The following PCDHGB3 variants were observed in gnomAD, a reference collection of about 807,000 sequenced individuals.
The protein encoded by PCDHGB3 is protocadherin gamma subfamily B, 3.
Under a neutral mutation model 59.2 loss-of-function variants are expected in PCDHGB3, and 40 were observed. That is an observed-to-expected ratio of 0.68 (90% CI 0.52 to 0.88). The LOEUF (loss-of-function observed/expected upper bound fraction) is 0.88, where lower values mean the gene tolerates loss of function less well. Ranked by LOEUF, PCDHGB3 falls within the 40% of genes least tolerant of loss-of-function variation. The pLI, the probability that PCDHGB3 is intolerant of heterozygous loss-of-function variation, is 0.00. For synonymous variants in PCDHGB3, 581 were observed against 503.6 expected, an observed-to-expected ratio of 1.15 and a Z score of -2.06; for missense variants, 1,309 against 1,187.9, an observed-to-expected ratio of 1.10 and a Z score of -1.50.
chr5:141,497,736 G>A (rs1437670417), intron 2 of PCDHGB3, among the ~76,000 whole-genome samples: 6 of 151,962 alleles, frequency 3.9e-5, no homozygotes, highest in Admixed American at 1.3e-4. Flanking sequence ...GATGGGTTTC[G>A]CCACGTTGGC....
rs769286346 is a variant in PCDHGB3, at chr5:141,372,300, GAGGCCGCCCGCC to G, written c.1909_1920del (p.Ala637_Gln640del). ...CACGGCGCGTACCTTGGGCGACAGGGAGGCCGCCCGCCAGCGCCTGCTGGTCACTGTGCGTGA... is the reference window on the plus strand; with the variant it reads ...CACGGCGCGTACCTTGGGCGACAGGGAGCGCCTGCTGGTCACTGTGCGTGA... On this transcript the variant is annotated inframe_deletion, in exon 1 of 4. Coordinates refer to ENST00000576222, the MANE Select transcript of PCDHGB3 (RefSeq NM_018924.5). 2 of 1,613,366 alleles carry G rather than the reference GAGGCCGCCCGCC, an allele frequency of 1.2e-6. No homozygotes were observed. The highest frequency in any genetic ancestry group is 1.7e-6 in the Non-Finnish European group (2 of 1,179,900).
At chr5:141,382,520 G>A (rs1778262322) in intron 1 of PCDHGB3, among the ~76,000 whole-genome samples, 1 of 152,192 alleles carries the variant, frequency 6.6e-6, no homozygotes, top group South Asian at 2.1e-4. Context: ...TTAATTCAGT[G>A]TCTTAAAATG....
At chr5:141,387,838 A>AG (rs2091116111) in intron 1 of PCDHGB3, 1 of 1,598,608 alleles carries the variant, frequency 6.3e-7, no homozygotes, top group African/African-American at 1.3e-5. Flanking sequence ...GGTTATTTGT[A>AG]ACCCGGCGTC....
Position 141,417,818 on chromosome 5 carries a change from C to T in PCDHGB3, c.2415+45009C>T, listed in dbSNP as rs59981184. 5.7e-4 allele frequency: 859 copies of T among 1,512,530 alleles called. 1 individual carries two copies. The African/African-American group carries it at 0.011, about 19-fold the overall frequency. 93.7% of individuals were successfully genotyped at this position (1,512,530 alleles called of 1,614,324 possible). On this transcript the variant is annotated intron_variant, in intron 1 of 3. Coordinates refer to ENST00000576222, the MANE Select transcript of PCDHGB3 (RefSeq NM_018924.5). ...TTTAGCGCGGTAGAGTGCACTTTCTCCAACTGGAAAAGCGGGGACCCAGCG... is the reference window on the plus strand; with the variant it reads ...TTTAGCGCGGTAGAGTGCACTTTCTTCAACTGGAAAAGCGGGGACCCAGCG...
chr5:141,445,048 A>G (rs1364884310), intron 1 of PCDHGB3, among the ~76,000 whole-genome samples: 4 of 152,234 alleles, frequency 2.6e-5, no homozygotes, highest in Non-Finnish European at 5.9e-5. Flanking sequence ...TTTTCAGTGT[A>G]GAGAGGTCAT....
At position 141,393,513 on chromosome 5, in the gene PCDHGB3, G is replaced by A. The variant is rs376672994; in HGVS notation, c.2415+20704G>A. The A allele has an allele frequency of 6.6e-5, 107 of 1,614,000 alleles. 1 individual carries two copies. In the Middle Eastern group the frequency reaches 1.3e-3, roughly 20 times the overall value. ...AGTGCGCATCCACGTGACAGTGTTG[G>A]ATACAAATGACAATGCCCCGGTTTT... On this transcript the variant is annotated intron_variant, in intron 1 of 3. Transcript: ENST00000576222.
chr5:141,443,938 G>T (rs1330111540), intron 1 of PCDHGB3, among the ~76,000 whole-genome samples: 1 of 152,014 alleles, frequency 6.6e-6, no homozygotes, highest in Non-Finnish European at 1.5e-5. Context: ...CTCACAGCAG[G>T]TTTCCTTATT....
At chr5:141,379,868 T>C (rs1775901267) in intron 1 of PCDHGB3, among the ~76,000 whole-genome samples, 1 of 149,208 alleles carries the variant, frequency 6.7e-6, no homozygotes, top group African/African-American at 2.5e-5. Flanking sequence ...CTTATTCTTA[T>C]TTTATGGTCT....
chr5:141,488,128 G>T (rs1412334197), intron 1 of PCDHGB3, among the ~76,000 whole-genome samples: 1 of 152,226 alleles, frequency 6.6e-6, no homozygotes, highest in Non-Finnish European at 1.5e-5. Context: ...ACAGCAGAAA[G>T]AGGAGAGAAC....
At chr5:141,507,432 C>T (rs2099860585) in intron 3 of PCDHGB3, 1 of 152,198 alleles carries the variant, frequency 6.6e-6, no homozygotes. Flanking sequence ...GGGGCCAGGC[C>T]TACAGCTGAC....
chr5:141,421,051 A>G (rs1330155141), intron 1 of PCDHGB3: 8 of 559,830 alleles, frequency 1.4e-5, no homozygotes, highest in South Asian at 2.6e-5. Flanking sequence ...CCCCGCCTCT[A>G]CCACACAAAG....
chr5:141,409,715 G>C (rs2095305446), intron 1 of PCDHGB3: 9 of 1,613,084 alleles, frequency 5.6e-6, no homozygotes, highest in Admixed American at 1.7e-5. Flanking sequence ...GTCGTCATAC[G>C]TGTCAGTGAG....
intron 3 of PCDHGB3, among the ~76,000 whole-genome samples, chr5:141,508,975 G>T (rs1360718244): frequency 2.6e-5 from 4 of 152,148 alleles, no homozygotes; most frequent in African/African-American, 7.2e-5. Context: ...AAGGGCTGGG[G>T]GTGGGGGCCA....
chr5:141,399,198 G>T (rs1370289172), intron 1 of PCDHGB3: 1 of 1,613,816 alleles, frequency 6.2e-7, no homozygotes, highest in African/African-American at 1.3e-5. Context: ...AAAACGCGGT[G>T]CCTGGAACAC....
rs185786686 is a variant in PCDHGB3 at position 141,384,098 on chromosome 5, A to G, written c.2415+11289A>G. 9.4e-3 allele frequency: 14,953 copies of G among 1,596,884 alleles called. 110 individuals carry two copies. The highest frequency in any genetic ancestry group is 0.01 in the Non-Finnish European group (12,057 of 1,171,020). On this transcript the variant is annotated intron_variant, in intron 1 of 3. Transcript: ENST00000576222. ...TTTAAATTAGAAAAATCAATAGATA[A>G]TTATTATAGATTGGTCACAACCAAA... is the stretch of plus-strand genomic sequence containing the variant.
chr5:141,410,841 G>GT, intron 1 of PCDHGB3: 1 of 214,604 alleles, frequency 4.7e-6, no homozygotes, highest in Non-Finnish European at 7.8e-6. Context: ...AAGATATTTT[G>GT]TCTTTGTCTT....
chr5:141,465,519 T>C (rs2099104752), intron 1 of PCDHGB3, among the ~76,000 whole-genome samples: 1 of 152,224 alleles, frequency 6.6e-6, no homozygotes, highest in East Asian at 1.9e-4. Context: ...GGAAGGATTC[T>C]GGGGAAGTTT....
At chr5:141,494,752 T>G (rs889400984) in intron 1 of PCDHGB3, 55 bp from the exon 2 acceptor site, 6 of 1,612,324 alleles carry the variant, frequency 3.7e-6, no homozygotes, top group East Asian at 2.2e-5. Flanking sequence ...GGGGCTCGGG[T>G]GACATTCTAA....
rs141959335 is a variant in PCDHGB3, at chr5:141,491,261, T to C, written c.2416-3546T>C. On this transcript the variant is annotated intron_variant, in intron 1 of 3. Transcript: ENST00000576222. This position sits in a 1 kb window ranked among gnomAD's most constrained non-coding sequence, Gnocchi z 6.9. Reference sequence around the variant, plus strand: ...CTGGAGGATGAGGACCCTGAGGAAATGCCCAAATCCAGTGACTTCCTCATA... The same window carrying C: ...CTGGAGGATGAGGACCCTGAGGAAACGCCCAAATCCAGTGACTTCCTCATA... 104 of 1,614,044 alleles carry C rather than the reference T, an allele frequency of 6.4e-5. No individual in the cohort carries two copies. Among genetic ancestry groups the C allele is most frequent in the Non-Finnish European group, 8.1e-5 (95 of 1,180,028 alleles).
Sources: gnomAD v4.1 joint callset for allele counts (sites outside exome capture counted in the v4.1 genomes callset) on GRCh38, gnomAD v4.1.1 for gene constraint, Gnocchi (gnomAD v3.1) non-coding constraint, MANE v1.5 for transcripts, NCBI Gene and HGNC (gene_info 2026-07-23, HGNC 2026-07-21) for gene names.